Variants in SDK1 observed in about 807,000 individuals in gnomAD.
SDK1 encodes protein sidekick-1.
Under a neutral mutation model 245.5 loss-of-function variants are expected in SDK1, and 157 were observed. The observed-to-expected ratio is 0.64, with a 90% CI of 0.56 to 0.73. SDK1 has a LOEUF of 0.73. Among genes scored for constraint, SDK1 ranks in the 30% least tolerant of loss-of-function variants. SDK1 has a pLI of 0.00. For synonymous variants in SDK1, 1,647 were observed against 1,278.5 expected (o/e 1.29, Z -6.15); for missense variants, 3,583 against 3,002.3 (o/e 1.19, Z -4.52).
intron 5 of SDK1, among the ~76,000 whole-genome samples, chr7:3,923,587 G>A (rs900288722): frequency 4.6e-5 from 7 of 152,222 alleles, no homozygotes; most frequent in African/African-American, 1.7e-4. Context: ...CAGAAACTCT[G>A]GTATGGGGCC....
In SDK1 at chr7:3,470,561, C is replaced by A. The variant is rs189120438; in HGVS notation, c.299-148519C>A. On this transcript the variant is annotated intron_variant, in intron 1 of 44. Transcript: ENST00000404826. The stretch of plus-strand genomic sequence containing the variant: ...TTGAGGTTCTTAGTCAGTAAGAAAA[C>A]CTTGGGGAGAGAGGTTAAACTAGGT... Among the ~76,000 whole-genome samples, 19 of 151,960 alleles carry A rather than the reference C, an allele frequency of 1.3e-4. No homozygotes were observed. The East Asian group carries it at 3.7e-3, about 29-fold the overall frequency.
chr7:3,558,859 A>G (rs1208311171), intron 1 of SDK1, among the ~76,000 whole-genome samples: 1 of 152,238 alleles, frequency 6.6e-6, no homozygotes, highest in Admixed American at 6.5e-5. Context: ...ATTTAAACAA[A>G]TAATTTTTGT....
In SDK1 at chr7:3,811,854, G is replaced by A. The variant is rs531207656; in HGVS notation, c.714-9596G>A. 1.1e-4 allele frequency among the ~76,000 whole-genome samples: 17 copies of A among 152,332 alleles called. No homozygotes were observed. In the South Asian group the frequency reaches 3.5e-3, roughly 32 times the overall value. On this transcript the variant is annotated intron_variant, in intron 4 of 44. Coordinates refer to ENST00000404826, the MANE Select transcript of SDK1 (RefSeq NM_152744.4). ...CCTTGTAGGCTAGAGAACTGGGTCT[G>A]TCTTGCTAATGTGATATCCCATCAG...
intron 21 of SDK1, 83 bp from the exon 22 acceptor site, chr7:4,079,380 C>T (rs1383597158): frequency 1.3e-6 from 2 of 1,510,238 alleles, no homozygotes; most frequent in African/African-American, 3.0e-5. Context: ...AAACTGTTTA[C>T]TTTTGAAGCT....
chr7:3,866,357 C>T (rs1780820791), intron 5 of SDK1, among the ~76,000 whole-genome samples: 1 of 152,154 alleles, frequency 6.6e-6, no homozygotes, highest in African/African-American at 2.4e-5. Flanking sequence ...TGGGGAAAGG[C>T]AACAAGCAAG....
chr7:4,178,687 C>G, intron 35 of SDK1, 101 bp downstream of exon 35: 1 of 813,176 alleles, frequency 1.2e-6, no homozygotes, highest in Non-Finnish European at 2.1e-6. Flanking sequence ...CAGCAGCGTT[C>G]TTTCTCCTTG....
chr7:3,353,368 T>G (rs1419104422), intron 1 of SDK1, among the ~76,000 whole-genome samples: 2 of 152,130 alleles, frequency 1.3e-5, no homozygotes, highest in Non-Finnish European at 2.9e-5. Context: ...TAGTGTACGT[T>G]TGGGTTTATA....
At chr7:3,307,526 A>T (rs1000305650) in intron 1 of SDK1, among the ~76,000 whole-genome samples, 1 of 152,216 alleles carries the variant, frequency 6.6e-6, no homozygotes, top group Non-Finnish European at 1.5e-5. Context: ...CATGATTATT[A>T]TGGGAGCATT....
intron 44 of SDK1, among the ~76,000 whole-genome samples, chr7:4,254,518 C>T (rs1168742117): frequency 6.6e-6 from 1 of 151,754 alleles, no homozygotes; most frequent in African/African-American, 2.4e-5. Context: ...GTCATCATAC[C>T]TTTAATTTTT....
chr7:3,574,365 C>T (rs1393616705), intron 1 of SDK1, among the ~76,000 whole-genome samples: 1 of 152,050 alleles, frequency 6.6e-6, no homozygotes, highest in Non-Finnish European at 1.5e-5. Context: ...ATTCGCCCGC[C>T]TCAGCTTCCC....
At chr7:4,163,121 A>T (rs1180313754) in intron 32 of SDK1, among the ~76,000 whole-genome samples, 3 of 152,176 alleles carry the variant, frequency 2.0e-5, no homozygotes, top group African/African-American at 7.2e-5. Flanking sequence ...GCCCACAGGG[A>T]GGTTCCTGAG....
intron 4 of SDK1, among the ~76,000 whole-genome samples, chr7:3,738,652 A>G (rs1314803288): frequency 1.3e-5 from 2 of 152,182 alleles, no homozygotes; most frequent in Non-Finnish European, 2.9e-5. Flanking sequence ...ATAATAAGTC[A>G]TCTGATTTGT....
chr7:3,521,287 G>T (rs2705609), intron 1 of SDK1, among the ~76,000 whole-genome samples: 27,733 of 152,170 alleles, frequency 0.18, 3,070 homozygotes, highest in South Asian at 0.3. Context: ...ATTGGGGCCA[G>T]CCAAGTAATC....
At chr7:4,228,295 G>A (rs1381549268) in intron 40 of SDK1, among the ~76,000 whole-genome samples, 1 of 147,342 alleles carries the variant, frequency 6.8e-6, no homozygotes, top group South Asian at 2.2e-4. Context: ...CTTTCGGGCA[G>A]CCAGGAATGA....
chr7:3,606,946 A>G (rs1346572966), intron 1 of SDK1, among the ~76,000 whole-genome samples: 4 of 152,192 alleles, frequency 2.6e-5, no homozygotes, highest in South Asian at 2.1e-4. Flanking sequence ...TCAAAAATCT[A>G]TGGAATTTTG....
chr7:4,168,892 G>A (rs1298510111), intron 32 of SDK1, among the ~76,000 whole-genome samples: 1 of 152,132 alleles, frequency 6.6e-6, no homozygotes, highest in Non-Finnish European at 1.5e-5. Flanking sequence ...CATCTTCACT[G>A]CCCAGACTCC....
intron 28 of SDK1, among the ~76,000 whole-genome samples, chr7:4,135,894 G>C (rs137903819): frequency 7.2e-5 from 11 of 152,172 alleles, no homozygotes; most frequent in African/African-American, 2.7e-4. Flanking sequence ...TAGTATTCCC[G>C]TTGCATGCAG....
chr7:3,973,294 C>T (rs1308230627), intron 12 of SDK1, among the ~76,000 whole-genome samples: 1 of 152,128 alleles, frequency 6.6e-6, no homozygotes, highest in Non-Finnish European at 1.5e-5. Flanking sequence ...TTGTAAATGT[C>T]TGTGCTTATG....
rs577925992 is a variant in SDK1, at chr7:3,338,341, G to C, written c.298+36457G>C. On this transcript the variant is annotated intron_variant, in intron 1 of 44. Coordinates refer to ENST00000404826, the MANE Select transcript of SDK1 (RefSeq NM_152744.4). Reference sequence around the variant, plus strand: ...TACGATGTTACTCAGCATGCTGTTGGCATTGTAAACAAACAAGGTCAGGGC... The same window carrying C: ...TACGATGTTACTCAGCATGCTGTTGCCATTGTAAACAAACAAGGTCAGGGC... 7.9e-6 allele frequency: 4 copies of C among 506,356 alleles called. No homozygotes were observed. The East Asian group carries it at 1.9e-4, about 24-fold the overall frequency. 31.4% of individuals were successfully genotyped at this position (506,356 alleles called of 1,614,324 possible).
Sources: allele counts gnomAD v4.1 joint callset (sites outside exome capture counted in the v4.1 genomes callset), GRCh38; gene constraint gnomAD v4.1.1; transcripts MANE v1.5; gene names NCBI Gene and HGNC (gene_info 2026-07-23, HGNC 2026-07-21).